SLC30A7: variants seen among roughly 807,000 people sequenced by gnomAD.
SLC30A7 encodes the protein solute carrier family 30 member 7, also known as zinc transporter 7.
A neutral mutation model predicts 46.0 loss-of-function variants in SLC30A7; 35 were observed. That is an observed-to-expected ratio of 0.76 (90% CI 0.58 to 1.01). The LOEUF is 1.01. Among genes scored for constraint, SLC30A7 ranks in the 50% least tolerant of loss-of-function variants. SLC30A7 has a pLI of 0.00. For synonymous variants in SLC30A7, 147 were observed against 157.8 expected (o/e 0.93, Z 0.51); for missense variants, 464 against 451.1 (o/e 1.03, Z -0.26).
intron 10 of SLC30A7, among the ~76,000 whole-genome samples, chr1:100,972,041 T>G (rs1268456571): frequency 6.6e-6 from 1 of 152,170 alleles, no homozygotes; most frequent in African/African-American, 2.4e-5. Flanking sequence ...TGTACATTAT[T>G]CTCAGGATAT....
chr1:100,961,891 A>T lies in SLC30A7; in HGVS notation c.906A>T (p.Glu302Asp), dbSNP rs1208296223. The change falls in exon 9 of 11, where the codon GAA becomes GAT. Residue 302 changes from glutamate (E) to aspartate (D), a missense_variant. Physicochemically the swap from Glu to Asp is conservative, Grantham distance 45 (BLOSUM62 2). Coordinates refer to ENST00000357650, the MANE Select transcript of SLC30A7 (RefSeq NM_133496.5). ...TGCAGAGAACTCCTCCCCTATTAGA[A>T]AATAGTCTGCCTCAGTGCTATCAGA... ...ILMQRTPPLL[E>D]NSLPQCYQRV... 1.2e-6 allele frequency: 2 copies of T among 1,606,508 alleles called. No individual in the cohort carries two copies. The highest frequency in any genetic ancestry group is 1.7e-6 in the Non-Finnish European group (2 of 1,175,244).
intron 8 of SLC30A7, among the ~76,000 whole-genome samples, chr1:100,924,064 T>A (rs908101239): frequency 2.0e-5 from 3 of 152,240 alleles, no homozygotes; most frequent in African/African-American, 7.2e-5. Context: ...TGGAAAACTG[T>A]AACAATCTCC....
rs1656844729 is a variant in SLC30A7 at position 100,980,241 on chromosome 1, C to T, written c.*5384C>T. The T allele has an allele frequency of 6.6e-6, 1 of 151,956 alleles. No homozygotes were observed. Among genetic ancestry groups the T allele is most frequent in the Non-Finnish European group, 1.5e-5 (1 of 67,922 alleles). The allele number at this position is 151,956 out of a possible 1,614,324, so 9.4% of individuals were successfully genotyped here. A position where few individuals can be genotyped will look rare whatever the true frequency, so the allele number is the denominator to read the frequency against. On this transcript the variant is annotated 3_prime_UTR_variant, in exon 11 of 11. Transcript: ENST00000357650. ...TTTAGTTTATTAGGGAATTATCTTC[C>T]CCAAAAGTACAAGTAATTTTGCACT...
chr1:100,994,158 TTC>T, the SLC30A7 span, among the ~76,000 whole-genome samples: 3 of 152,212 alleles, frequency 2.0e-5, no homozygotes, highest in Admixed American at 6.5e-5. Flanking sequence ...ATCTGATATG[TTC>T]TTACAGCACA....
At chr1:100,906,767 C>A (rs1489502563) in intron 2 of SLC30A7, 85 bp from the exon 3 acceptor site, 2 of 880,452 alleles carry the variant, frequency 2.3e-6, no homozygotes, top group African/African-American at 3.3e-5. Flanking sequence ...TCCTGATGAA[C>A]AAAGGCTGAA....
chr1:100,943,677 A>C (rs1172696625), intron 8 of SLC30A7, among the ~76,000 whole-genome samples: 1 of 152,254 alleles, frequency 6.6e-6, no homozygotes, highest in Non-Finnish European at 1.5e-5. Context: ...AAGGATTTTA[A>C]GAGCTGTATA....
At chr1:100,906,807 G>C (rs1285623326) in intron 2 of SLC30A7, 45 bp from the exon 3 acceptor site, 2 of 1,304,652 alleles carry the variant, frequency 1.5e-6, no homozygotes, top group Non-Finnish European at 2.2e-6. Flanking sequence ...GATGCCTACT[G>C]TTTGGTTTTT....
At chr1:100,926,842 T>C (rs146683191) in intron 8 of SLC30A7, among the ~76,000 whole-genome samples, 3 of 152,310 alleles carry the variant, frequency 2.0e-5, no homozygotes, top group African/African-American at 7.2e-5. Context: ...AAATAGATAA[T>C]GGACTGTCAG....
chr1:100,948,948 G>A (rs975348949), intron 8 of SLC30A7, among the ~76,000 whole-genome samples: 3 of 152,072 alleles, frequency 2.0e-5, no homozygotes, highest in African/African-American at 7.2e-5. Context: ...TTTTTTCAAG[G>A]TTTTTAACTT....
chr1:100,992,677 C>T, the SLC30A7 span: 6 of 1,613,780 alleles, frequency 3.7e-6, no homozygotes, highest in Admixed American at 3.3e-5. Context: ...GAACAATCTC[C>T]AGAAGCTGCT....
At chr1:100,896,528 T>C (rs1441378500) in intron 1 of SLC30A7, 42 bp from the exon 2 acceptor site, 1 of 1,580,336 alleles carries the variant, frequency 6.3e-7, no homozygotes, top group Non-Finnish European at 8.7e-7. Context: ...TCCCGGCACC[T>C]CCTTAACTCT....
chr1:100,950,003 C>A (rs1654874317), intron 8 of SLC30A7, among the ~76,000 whole-genome samples: 1 of 152,218 alleles, frequency 6.6e-6, no homozygotes, highest in South Asian at 2.1e-4. Context: ...CTTCAGCTCG[C>A]TCTCTGCAGG....
At chr1:100,926,251 C>T (rs918482240) in intron 8 of SLC30A7, among the ~76,000 whole-genome samples, 4 of 152,084 alleles carry the variant, frequency 2.6e-5, no homozygotes, top group African/African-American at 9.7e-5. Flanking sequence ...CAAAGTAATA[C>T]TTTGCATTGC....
chr1:100,925,004 TA>T (rs1442873423), intron 8 of SLC30A7, among the ~76,000 whole-genome samples: 3 of 152,270 alleles, frequency 2.0e-5, no homozygotes, highest in Non-Finnish European at 4.4e-5. Flanking sequence ...AACAAATTAA[TA>T]AATTAGACGG....
intron 2 of SLC30A7, among the ~76,000 whole-genome samples, chr1:100,904,323 T>G (rs1318144550): frequency 1.3e-5 from 2 of 152,232 alleles, no homozygotes; most frequent in Non-Finnish European, 2.9e-5. Context: ...AAGAATTCTT[T>G]ATCGCTGATA....
intron 10 of SLC30A7, 93 bp from the exon 11 acceptor site, chr1:100,974,717 G>T: frequency 1.1e-6 from 1 of 880,112 alleles, no homozygotes. Context: ...TTAAAAAAGT[G>T]AGATTTGTAA....
chr1:100,953,051 C>T (rs1655041188), intron 8 of SLC30A7, among the ~76,000 whole-genome samples: 1 of 151,576 alleles, frequency 6.6e-6, no homozygotes, highest in African/African-American at 2.4e-5. Context: ...ATAGTGAGTT[C>T]TCATGAGATC....
chr1:100,990,317 A>G, the SLC30A7 span: 1 of 1,218,078 alleles, frequency 8.2e-7, no homozygotes, highest in Non-Finnish European at 1.2e-6. Flanking sequence ...GAGGATTAAA[A>G]TTCAAGATGA....
At chr1:100,927,142 G>A (rs948923648) in intron 8 of SLC30A7, among the ~76,000 whole-genome samples, 4 of 152,128 alleles carry the variant, frequency 2.6e-5, no homozygotes, top group African/African-American at 9.7e-5. Flanking sequence ...CAGGGAGCAG[G>A]TTGGGGTGGA....
Sources: allele counts gnomAD v4.1 joint callset (sites outside exome capture counted in the v4.1 genomes callset), GRCh38; gene constraint gnomAD v4.1.1; transcripts MANE v1.5; gene names NCBI Gene and HGNC (gene_info 2026-07-23, HGNC 2026-07-21).